Variants in FTO observed in about 807,000 individuals in gnomAD.
The protein encoded by FTO is FTO alpha-ketoglutarate dependent dioxygenase.
Under a neutral mutation model 63.9 loss-of-function variants are expected in FTO, and 47 were observed. The observed-to-expected ratio is 0.74, with a 90% CI of 0.58 to 0.94. The LOEUF (loss-of-function observed/expected upper bound fraction) is 0.94, where lower values mean the gene tolerates loss of function less well. Among genes scored for constraint, FTO ranks in the 40% least tolerant of loss-of-function variants. The probability of loss-of-function intolerance (pLI) is 0.00; values close to 1 mark genes in which losing one functional copy is unlikely to be tolerated. For missense variants in FTO, 562 were observed against 618.1 expected (o/e 0.91, Z 0.96); for synonymous variants, 207 against 224.4 (o/e 0.92, Z 0.69).
At chr16:54,035,819 G>C (rs2540780) in intron 8 of FTO, among the ~76,000 whole-genome samples, 77,613 of 151,978 alleles carry the variant, frequency 0.51, 21,527 homozygotes, top group African/African-American at 0.72. Context: ...CCTTTCACCC[G>C]CTTCCTCTTG....
chr16:53,785,372 G>A (rs2077706556), intron 1 of FTO, among the ~76,000 whole-genome samples: 1 of 152,170 alleles, frequency 6.6e-6, no homozygotes, highest in Non-Finnish European at 1.5e-5. Context: ...CTTTCATGGA[G>A]CTTATATGCT....
intron 5 of FTO, among the ~76,000 whole-genome samples, chr16:53,876,349 A>C (rs4784329): frequency 0.37 from 55,510 of 152,056 alleles, 11,596 homozygotes; most frequent in East Asian, 0.71. Flanking sequence ...ATTACTCATC[A>C]ATATATAGCA....
intron 1 of FTO, among the ~76,000 whole-genome samples, chr16:53,746,497 A>G (rs2076654587): frequency 6.6e-6 from 1 of 152,224 alleles, no homozygotes; most frequent in African/African-American, 2.4e-5. Flanking sequence ...TAGTACAGGA[A>G]TAGCTGTGTG....
chr16:54,079,672 G>A (rs1370226160), intron 8 of FTO, among the ~76,000 whole-genome samples: 1 of 152,160 alleles, frequency 6.6e-6, no homozygotes, highest in Non-Finnish European at 1.5e-5. Context: ...AGGACCTGGT[G>A]ATAAATAGGA....
At chr16:53,963,534 G>T (rs1214223792) in intron 8 of FTO, among the ~76,000 whole-genome samples, 2 of 152,122 alleles carry the variant, frequency 1.3e-5, no homozygotes, top group Non-Finnish European at 1.5e-5. Flanking sequence ...GTTTAGCACC[G>T]TCCACCCTTG....
intron 4 of FTO, among the ~76,000 whole-genome samples, chr16:53,849,071 C>A (rs1040152810): frequency 1.3e-5 from 2 of 152,102 alleles, no homozygotes; most frequent in African/African-American, 2.4e-5. Context: ...AAATGCATAG[C>A]CCTTCTTTTT....
At chr16:53,991,817 C>T (rs1226478696) in intron 8 of FTO, 1 of 152,212 alleles carries the variant, frequency 6.6e-6, no homozygotes, top group African/African-American at 2.4e-5. Flanking sequence ...TCAATAGGCA[C>T]ATCCTCAGAT....
At chr16:54,002,827 C>T (rs1279273587) in intron 8 of FTO, among the ~76,000 whole-genome samples, 2 of 152,192 alleles carry the variant, frequency 1.3e-5, no homozygotes, top group Non-Finnish European at 1.5e-5. Flanking sequence ...TAAAATAGTG[C>T]AGCCACTCTG....
chr16:53,890,018 G>C (rs2081107232), intron 7 of FTO, among the ~76,000 whole-genome samples: 1 of 152,116 alleles, frequency 6.6e-6, no homozygotes, highest in Non-Finnish European at 1.5e-5. Flanking sequence ...AGGTCACCCA[G>C]CTAATAGGTG....
intron 8 of FTO, among the ~76,000 whole-genome samples, chr16:54,038,068 A>C (rs1441114215): frequency 2.0e-5 from 3 of 152,218 alleles, no homozygotes; most frequent in Non-Finnish European, 4.4e-5. Context: ...TTTTGGGCAC[A>C]GCTGGAACCT....
chr16:54,109,435 A>C (rs754628742), intron 8 of FTO, among the ~76,000 whole-genome samples: 1 of 152,112 alleles, frequency 6.6e-6, no homozygotes, highest in Non-Finnish European at 1.5e-5. Flanking sequence ...GGTCCAAGTG[A>C]TTCTCGTGCC....
At chr16:53,790,522 G>C (rs1445190779) in intron 1 of FTO, among the ~76,000 whole-genome samples, 5 of 136,230 alleles carry the variant, frequency 3.7e-5, no homozygotes, top group African/African-American at 1.4e-4. Flanking sequence ...TTTGAGACCA[G>C]CCTGGGCAAC....
At chr16:53,759,048 A>C (rs2076987146) in intron 1 of FTO, among the ~76,000 whole-genome samples, 1 of 152,156 alleles carries the variant, frequency 6.6e-6, no homozygotes, top group South Asian at 2.1e-4. Context: ...GAGATTGGCA[A>C]AATGTTGGTA....
intron 8 of FTO, chr16:54,039,666 C>A (rs1215377072): frequency 6.6e-6 from 1 of 152,224 alleles, no homozygotes; most frequent in East Asian, 1.9e-4. Flanking sequence ...TGTTCTAACT[C>A]AATCTGCTAC....
rs143746950 is a variant in FTO, at chr16:54,120,074, C to G, written c.*8159C>G. The G allele has an allele frequency of 4.6e-5, 7 of 152,368 alleles. No homozygotes were observed. Among genetic ancestry groups the G allele is most frequent in the Non-Finnish European group, 4.4e-5 (3 of 68,056 alleles). 9.4% of individuals were successfully genotyped at this position (152,368 alleles called of 1,614,324 possible). ...GGAGAGGCATCCCTGCCAAGGACTT[C>G]AAGTGAAAGGCGGTGGGAGAAATTG... On this transcript the variant is annotated 3_prime_UTR_variant, in exon 9 of 9. Transcript: ENST00000471389.
At chr16:53,834,513 G>C (rs1370369677) in intron 3 of FTO, among the ~76,000 whole-genome samples, 1 of 152,124 alleles carries the variant, frequency 6.6e-6, no homozygotes, top group Non-Finnish European at 1.5e-5. Flanking sequence ...TTTCTCATCT[G>C]TAAAATAGTG....
At chr16:54,108,979 C>G (rs1343813661) in intron 8 of FTO, among the ~76,000 whole-genome samples, 1 of 152,196 alleles carries the variant, frequency 6.6e-6, no homozygotes, top group Non-Finnish European at 1.5e-5. Context: ...GACAGATGTG[C>G]CTTCCAGTAA....
chr16:54,026,503 A>G (rs1245381576), intron 8 of FTO, among the ~76,000 whole-genome samples: 2 of 152,218 alleles, frequency 1.3e-5, no homozygotes, highest in East Asian at 3.9e-4. Flanking sequence ...TAGGTAAGGG[A>G]AAACTGAGAA....
rs117805008 is a variant in FTO, at chr16:53,956,531, A to G, written c.1364+22422A>G. Among the ~76,000 whole-genome samples, 107 of 152,324 alleles carry G rather than the reference A, an allele frequency of 7.0e-4. No individual in the cohort carries two copies. The East Asian group carries it at 0.02, about 28-fold the overall frequency. On this transcript the variant is annotated intron_variant, in intron 8 of 8. Coordinates refer to ENST00000471389, the MANE Select transcript of FTO (RefSeq NM_001080432.3). ...ACCTTGTAAGGTTCAGGAGACCATC[A>G]GGATGAAAAGATCATGAAGACTATT...
Sources: gnomAD v4.1 joint callset for allele counts (sites outside exome capture counted in the v4.1 genomes callset) on GRCh38, gnomAD v4.1.1 for gene constraint, MANE v1.5 for transcripts, NCBI Gene and HGNC (gene_info 2026-07-23, HGNC 2026-07-21) for gene names.